The following DNAI7 variants were observed in gnomAD, a reference collection of about 807,000 sequenced individuals.
DNAI7 encodes the protein cancer susceptibility 1.
DNAI7 carries 78 observed loss-of-function variants against 86.6 expected under a neutral mutation model. The ratio of observed to expected loss-of-function variants is 0.90; its 90% CI spans 0.75 to 1.09. The LOEUF (loss-of-function observed/expected upper bound fraction) is 1.09. Among genes scored for constraint, DNAI7 ranks in the 50% least tolerant of loss-of-function variants. DNAI7 has a pLI of 0.00. For missense variants in DNAI7, 753 were observed against 810.2 expected (o/e 0.93, Z 0.86); for synonymous variants, 274 against 273.0 (o/e 1.00, Z -0.04).
chr12:25,174,265 C>T (rs898105869), intron 2 of DNAI7, among the ~76,000 whole-genome samples: 4 of 122,570 alleles, frequency 3.3e-5, no homozygotes, highest in Non-Finnish European at 7.0e-5. Flanking sequence ...TTTCTTTTGC[C>T]ATGCAAAATT....
At chr12:25,147,484 C>CCCCCA (rs55662471) in intron 7 of DNAI7, among the ~76,000 whole-genome samples, 2 of 138,064 alleles carry the variant, frequency 1.4e-5, no homozygotes, top group African/African-American at 2.5e-5. Context: ...AGACCACCCC[C>CCCCCA]ATCTCTACAA....
intron 12 of DNAI7, among the ~76,000 whole-genome samples, chr12:25,117,898 CT>C (rs1319922935): frequency 8.7e-5 from 13 of 149,076 alleles, no homozygotes; most frequent in Non-Finnish European, 1.6e-4. Context: ...GACTTTTTAT[CT>C]GTTTTTGATT....
intron 2 of DNAI7, among the ~76,000 whole-genome samples, chr12:25,174,733 T>C (rs1285744160): frequency 4.9e-5 from 7 of 143,942 alleles, no homozygotes; most frequent in East Asian, 2.0e-4. Flanking sequence ...ATCATATATA[T>C]ATGGAATATA....
chr12:25,171,683 G>A (rs774497759), intron 2 of DNAI7, among the ~76,000 whole-genome samples: 40 of 152,016 alleles, frequency 2.6e-4, no homozygotes, highest in Non-Finnish European at 4.9e-4. Context: ...TAAAACTACA[G>A]ACCAATATCC....
chr12:25,170,945 T>A (rs1043388792), intron 2 of DNAI7, among the ~76,000 whole-genome samples: 1 of 152,084 alleles, frequency 6.6e-6, no homozygotes, highest in Non-Finnish European at 1.5e-5. Context: ...TAATGAAATT[T>A]CCTATCAAAA....
chr12:25,151,382 C>G (rs1168531007), intron 6 of DNAI7, among the ~76,000 whole-genome samples: 1 of 152,212 alleles, frequency 6.6e-6, no homozygotes, highest in Non-Finnish European at 1.5e-5. Flanking sequence ...CCATTTCCTT[C>G]TGTTACTGCT....
intron 15 of DNAI7, 105 bp from the exon 16 acceptor site, chr12:25,108,928 CA>C (rs1490684015): frequency 7.1e-6 from 5 of 700,266 alleles, no homozygotes; most frequent in Non-Finnish European, 1.1e-5. Context: ...CCCAAAATTG[CA>C]AAGGTTAAAA....
At position 25,117,633 on chromosome 12, in the gene DNAI7, C is replaced by T. The variant is rs186483961; in HGVS notation, c.1396+1512G>A. ...AAAAGAGGTATTTGTTAATGATTAACAAATCATTAGCTTGTATCACTGTAG... is the reference window on the plus strand; with the variant it reads ...AAAAGAGGTATTTGTTAATGATTAATAAATCATTAGCTTGTATCACTGTAG... On this transcript the variant is annotated intron_variant, in intron 12 of 15. Transcript: ENST00000395987. Among the ~76,000 whole-genome samples, 4 of 152,158 alleles carry T rather than the reference C, an allele frequency of 2.6e-5. No homozygotes were observed. The East Asian group carries it at 7.7e-4, about 29-fold the overall frequency.
At chr12:25,164,296 T>C (rs147725557) in intron 2 of DNAI7, among the ~76,000 whole-genome samples, 2 of 151,940 alleles carry the variant, frequency 1.3e-5, no homozygotes, top group Non-Finnish European at 2.9e-5. Context: ...AACCCTTCTC[T>C]CCGTGTCTCT....
At chr12:25,176,060 A>G (rs1439962241) in intron 2 of DNAI7, among the ~76,000 whole-genome samples, 1 of 152,126 alleles carries the variant, frequency 6.6e-6, no homozygotes, top group Non-Finnish European at 1.5e-5. Flanking sequence ...AGCCTAGATG[A>G]CAGAGCGAGA....
chr12:25,151,878 T>A (rs989995264), intron 6 of DNAI7, among the ~76,000 whole-genome samples: 2 of 152,162 alleles, frequency 1.3e-5, no homozygotes, highest in African/African-American at 2.4e-5. Context: ...TGGTATGAGC[T>A]TAAAAGAGTC....
At position 25,147,482 on chromosome 12, in the gene DNAI7, C is replaced by CCG. The variant is rs1555170140; in HGVS notation, c.586-379_586-378insCG. Among the ~76,000 whole-genome samples, 305 of 150,638 alleles carry CCG rather than the reference C, an allele frequency of 2.0e-3. 1 individual carries two copies. The highest frequency in any genetic ancestry group is 6.8e-3 in the Middle Eastern group (2 of 294). On this transcript the variant is annotated intron_variant, in intron 7 of 15. Transcript: ENST00000395987. Reference sequence around the variant, plus strand: ...GCCTGGGCAACATAATGAGACCACCCCCATCTCTACAAAAAATTAGCTGGG... The same window carrying CCG: ...GCCTGGGCAACATAATGAGACCACCCCGCCATCTCTACAAAAAATTAGCTGGG...
At chr12:25,120,317 G>GGGGAGAGAGAGAGAGAGAGAGA (rs1555156524) in intron 11 of DNAI7, among the ~76,000 whole-genome samples, 1 of 80,766 alleles carries the variant, frequency 1.2e-5, no homozygotes, top group East Asian at 8.7e-4. Context: ...GCAGGAAGAG[G>GGGGAGAGAGAGAGAGAGAGAGA]GAGAGAGAGA....
At chr12:25,170,390 CAAA>C (rs756021792) in intron 2 of DNAI7, among the ~76,000 whole-genome samples, 1 of 90,592 alleles carries the variant, frequency 1.1e-5, no homozygotes. Context: ...GACTCCGTCT[CAAA>C]AAAAAAAAAA....
chr12:25,133,608 G>A (rs191559513), intron 9 of DNAI7, among the ~76,000 whole-genome samples: 137 of 152,206 alleles, frequency 9.0e-4, no homozygotes, highest in African/African-American at 3.2e-3. Context: ...GGGGTTCTTC[G>A]GCTTCTGTGG....
intron 2 of DNAI7, among the ~76,000 whole-genome samples, chr12:25,183,548 T>C (rs1345680434): frequency 6.6e-6 from 1 of 152,078 alleles, no homozygotes; most frequent in East Asian, 1.9e-4. Context: ...GTAATTTGTA[T>C]AGTATGACTT....
intron 12 of DNAI7, among the ~76,000 whole-genome samples, chr12:25,118,654 C>T (rs941026227): frequency 6.6e-6 from 1 of 152,074 alleles, no homozygotes. Flanking sequence ...CTCCACCTCC[C>T]GGGTTCAGGC....
intron 15 of DNAI7, among the ~76,000 whole-genome samples, chr12:25,109,446 G>A (rs761388284): frequency 1.3e-5 from 2 of 152,060 alleles, no homozygotes; most frequent in Non-Finnish European, 2.9e-5. Context: ...GGGTGCAGTG[G>A]TGTGATCATA....
chr12:25,110,088 G>C, intron 15 of DNAI7, 39 bp downstream of exon 15: 1 of 975,156 alleles, frequency 1.0e-6, no homozygotes, highest in Non-Finnish European at 1.6e-6. Context: ...ATCTTCTTTT[G>C]GAGGACAAAG....
Sources: gnomAD v4.1 joint callset for allele counts (sites outside exome capture counted in the v4.1 genomes callset) on GRCh38, gnomAD v4.1.1 for gene constraint, MANE v1.5 for transcripts, NCBI Gene and HGNC (gene_info 2026-07-23, HGNC 2026-07-21) for gene names.